PDE8A: variants seen among roughly 807,000 people sequenced by gnomAD.
PDE8A encodes high affinity cAMP-specific and IBMX-insensitive 3',5'-cyclic phosphodiesterase 8A.
In PDE8A, 59 loss-of-function variants were observed where a neutral mutation model predicts 105.0. The observed-to-expected ratio is 0.56, with a 90% CI of 0.46 to 0.70. The LOEUF (loss-of-function observed/expected upper bound fraction) is 0.70. PDE8A is among the 30% of genes least tolerant of loss of function. The pLI is 0.00. For missense variants in PDE8A, 1,014 were observed against 1,045.9 expected, an observed-to-expected ratio of 0.97 and a Z score of 0.42; for synonymous variants, 355 against 371.9, an observed-to-expected ratio of 0.95 and a Z score of 0.52.
intron 16 of PDE8A, 33 bp downstream of exon 16, chr15:85,116,152 C>T: frequency 6.2e-7 from 1 of 1,611,102 alleles, no homozygotes; most frequent in African/African-American, 1.3e-5. Flanking sequence ...AGCGGGAGAA[C>T]TAGATTCCCA....
At chr15:85,094,411 GC>G (rs1226793149) in intron 8 of PDE8A, among the ~76,000 whole-genome samples, 1 of 152,064 alleles carries the variant, frequency 6.6e-6, no homozygotes, top group Non-Finnish European at 1.5e-5. Flanking sequence ...TCTGGCCTTT[GC>G]CCCCTACTGT....
At chr15:85,121,813 G>C (rs1463978053) in intron 18 of PDE8A, among the ~76,000 whole-genome samples, 1 of 152,056 alleles carries the variant, frequency 6.6e-6, no homozygotes, top group Non-Finnish European at 1.5e-5. Context: ...CAACTACTGT[G>C]ATCTACTTTC....
At chr15:85,098,083 T>A (rs1363027090) in intron 9 of PDE8A, 47 bp downstream of exon 9, 1 of 1,122,064 alleles carries the variant, frequency 8.9e-7, no homozygotes, top group Non-Finnish European at 1.4e-6. Context: ...GTGTTTTGGG[T>A]TATTGCAGAA....
chr15:85,074,813 A>T (rs12438909), intron 3 of PDE8A, among the ~76,000 whole-genome samples: 70,697 of 152,036 alleles, frequency 0.47, 16,569 homozygotes, highest in Middle Eastern at 0.54. Context: ...GTGGCTCTAT[A>T]CCTTGAACTA....
chr15:85,057,488 G>T (rs1171138297), intron 1 of PDE8A, among the ~76,000 whole-genome samples: 6 of 152,126 alleles, frequency 3.9e-5, no homozygotes, highest in African/African-American at 1.4e-4. Flanking sequence ...TGTGCTTCCC[G>T]GGTGAGGCGA....
intron 1 of PDE8A, among the ~76,000 whole-genome samples, chr15:85,016,882 G>C (rs2080332957): frequency 6.6e-6 from 1 of 151,000 alleles, no homozygotes; most frequent in Non-Finnish European, 1.5e-5. Flanking sequence ...GTTTATGCCA[G>C]ATGTTCTATT....
chr15:85,097,321 T>G (rs2081772256), intron 8 of PDE8A, among the ~76,000 whole-genome samples: 2 of 152,212 alleles, frequency 1.3e-5, no homozygotes, highest in Admixed American at 1.3e-4. Flanking sequence ...TTCCCCAGGC[T>G]GCACTTCCTG....
chr15:84,984,530 T>C (rs556043298), intron 1 of PDE8A, among the ~76,000 whole-genome samples: 24 of 152,368 alleles, frequency 1.6e-4, no homozygotes, highest in Admixed American at 3.3e-4. Flanking sequence ...CAGCATATCT[T>C]TAAGTGAATT....
chr15:85,031,432 T>G (rs1242662180), intron 1 of PDE8A, among the ~76,000 whole-genome samples: 1 of 152,212 alleles, frequency 6.6e-6, no homozygotes, highest in Non-Finnish European at 1.5e-5. Context: ...TTTGTTCACG[T>G]GGACCTTTGG....
chr15:85,046,107 A>G (rs1462453852), intron 1 of PDE8A, among the ~76,000 whole-genome samples: 3 of 133,662 alleles, frequency 2.2e-5, no homozygotes, highest in Admixed American at 8.5e-5. Flanking sequence ...TCGCCCTGTC[A>G]CCCAGGCTGG....
At chr15:85,035,466 T>G (rs1272529693) in intron 1 of PDE8A, among the ~76,000 whole-genome samples, 2 of 152,062 alleles carry the variant, frequency 1.3e-5, no homozygotes, top group African/African-American at 4.8e-5. Context: ...CACCTCGGCC[T>G]CCCTAAGTGC....
At chr15:85,040,059 A>G (rs1056055823) in intron 1 of PDE8A, among the ~76,000 whole-genome samples, 2 of 152,224 alleles carry the variant, frequency 1.3e-5, no homozygotes, top group African/African-American at 2.4e-5. Flanking sequence ...ATAATAATGT[A>G]TATTTCAAAA....
chr15:85,134,523 A>T (rs1206867593), intron 20 of PDE8A, among the ~76,000 whole-genome samples: 1 of 125,342 alleles, frequency 8.0e-6, no homozygotes, highest in Non-Finnish European at 1.6e-5. Context: ...CAGCCAGCGG[A>T]TGCTGGGCCA....
intron 1 of PDE8A, among the ~76,000 whole-genome samples, chr15:84,985,351 G>A (rs2079785649): frequency 6.6e-6 from 1 of 152,092 alleles, no homozygotes; most frequent in South Asian, 2.1e-4. Context: ...ATTCCTTTCG[G>A]GAGTTTAAGT....
At chr15:85,043,491 G>A (rs1276938437) in intron 1 of PDE8A, among the ~76,000 whole-genome samples, 2 of 151,950 alleles carry the variant, frequency 1.3e-5, no homozygotes, top group Non-Finnish European at 2.9e-5. Context: ...TCTCGGATTG[G>A]GTTATCTCTC....
At chr15:84,996,749 C>G (rs1444989037) in intron 1 of PDE8A, among the ~76,000 whole-genome samples, 3 of 141,088 alleles carry the variant, frequency 2.1e-5, no homozygotes, top group East Asian at 2.0e-4. Context: ...TCGCTTGAAC[C>G]CAGGAGGCAG....
chr15:85,107,547 G>C (rs1237862477), intron 11 of PDE8A, among the ~76,000 whole-genome samples: 1 of 152,194 alleles, frequency 6.6e-6, no homozygotes, highest in African/African-American at 2.4e-5. Flanking sequence ...TAGACTGGAG[G>C]TGTTTAGGAG....
At chr15:85,089,271 G>A (rs1403737226) in intron 6 of PDE8A, 67 bp from the exon 7 acceptor site, 1 of 838,350 alleles carries the variant, frequency 1.2e-6, no homozygotes, top group Non-Finnish European at 1.9e-6. Flanking sequence ...TTTAAATAAT[G>A]TAATAACCCA....
chr15:85,066,979 T>C (rs2081239447), intron 2 of PDE8A, 35 bp from the exon 3 acceptor site: 6 of 1,482,014 alleles, frequency 4.0e-6, no homozygotes, highest in Non-Finnish European at 5.5e-6. Context: ...CTAACATCTT[T>C]TTTTAAAAAA....
Sources: allele counts gnomAD v4.1 joint callset (sites outside exome capture counted in the v4.1 genomes callset), GRCh38; gene constraint gnomAD v4.1.1; transcripts MANE v1.5; gene names NCBI Gene and HGNC (gene_info 2026-07-23, HGNC 2026-07-21).